RNF130: variants seen among roughly 807,000 people sequenced by gnomAD.
RNF130 encodes the protein E3 ubiquitin-protein ligase RNF130.
Under a neutral mutation model 44.6 loss-of-function variants are expected in RNF130, and 21 were observed. That is an observed-to-expected ratio of 0.47 (90% CI 0.33 to 0.68). The LOEUF is 0.68. Ranked by LOEUF, RNF130 falls within the 30% of genes least tolerant of loss-of-function variation. The probability of loss-of-function intolerance (pLI) is 0.02; values close to 1 mark genes in which losing one functional copy is unlikely to be tolerated. For missense variants in RNF130, 479 were observed against 560.6 expected (o/e 0.85, Z 1.47); for synonymous variants, 214 against 210.4 (o/e 1.02, Z -0.15).
chr5:180,036,373 G>C (rs1764249760), intron 2 of RNF130, among the ~76,000 whole-genome samples: 1 of 152,102 alleles, frequency 6.6e-6, no homozygotes, highest in Non-Finnish European at 1.5e-5. Flanking sequence ...GCCCACCTCT[G>C]TGAAGTCACT....
intron 5 of RNF130, 87 bp downstream of exon 5, chr5:179,978,116 C>T: frequency 2.5e-6 from 3 of 1,190,354 alleles, no homozygotes; most frequent in Non-Finnish European, 3.8e-6. Context: ...GGGTGGCGCT[C>T]AAAAGCAAGG....
exon 8 of RNF130, chr5:179,911,673 A>G (rs759720170): frequency 6.6e-6 from 1 of 152,248 alleles, no homozygotes; most frequent in Non-Finnish European, 1.5e-5. Flanking sequence ...ATAGGTTTTT[A>G]TTGAAATGGT....
At chr5:179,930,114 A>G (rs562210979) in intron 7 of RNF130, among the ~76,000 whole-genome samples, 68 of 152,100 alleles carry the variant, frequency 4.5e-4, no homozygotes, top group African/African-American at 1.4e-3. Flanking sequence ...CTAGAGTGCA[A>G]TGGCGTGATC....
intron 8 of RNF130, among the ~76,000 whole-genome samples, chr5:179,961,364 A>G (rs1762325408): frequency 6.6e-6 from 1 of 152,160 alleles, no homozygotes; most frequent in Non-Finnish European, 1.5e-5. Context: ...AACCCTCTAC[A>G]ACTGCTAATG....
intron 1 of RNF130, among the ~76,000 whole-genome samples, chr5:180,070,889 A>G (rs967923071): frequency 5.3e-5 from 8 of 152,298 alleles, no homozygotes; most frequent in Admixed American, 3.3e-4. Context: ...GATCCTCATA[A>G]TGTGACATTT....
At chr5:179,957,825 C>T in intron 8 of RNF130, among the ~76,000 whole-genome samples, 1 of 152,140 alleles carries the variant, frequency 6.6e-6, no homozygotes, top group African/African-American at 2.4e-5. Flanking sequence ...GGAATTGTTA[C>T]AAGACGGGCT....
chr5:180,044,470 T>C (rs776155636), intron 1 of RNF130, among the ~76,000 whole-genome samples: 2 of 152,194 alleles, frequency 1.3e-5, no homozygotes, highest in Non-Finnish European at 2.9e-5. Context: ...TAGTAACTTA[T>C]GTGCTCAGCT....
intron 2 of RNF130, among the ~76,000 whole-genome samples, chr5:180,027,404 GA>G (rs1764016352): frequency 6.6e-6 from 1 of 152,180 alleles, no homozygotes; most frequent in Admixed American, 6.5e-5. Flanking sequence ...AGCAGAAACA[GA>G]AAGGCAGAGA....
intron 3 of RNF130, among the ~76,000 whole-genome samples, chr5:179,984,518 A>G (rs1247431286): frequency 6.6e-6 from 1 of 152,174 alleles, no homozygotes; most frequent in Non-Finnish European, 1.5e-5. Flanking sequence ...ATACAGTTTT[A>G]GCTTTTTTGG....
intron 3 of RNF130, among the ~76,000 whole-genome samples, chr5:180,003,082 G>A (rs1763382560): frequency 1.3e-5 from 2 of 152,130 alleles, no homozygotes; most frequent in Non-Finnish European, 2.9e-5. Context: ...AGGATGTCCA[G>A]GTAGGGTCTC....
At chr5:180,004,911 C>A (rs1415372882) in intron 3 of RNF130, among the ~76,000 whole-genome samples, 2 of 152,190 alleles carry the variant, frequency 1.3e-5, no homozygotes, top group African/African-American at 4.8e-5. Flanking sequence ...CTCCTTCATT[C>A]ATTCACCACC....
chr5:180,014,108 T>C (rs754500666), intron 2 of RNF130, among the ~76,000 whole-genome samples: 8 of 152,232 alleles, frequency 5.3e-5, no homozygotes, highest in Non-Finnish European at 1.0e-4. Flanking sequence ...CTAACAGTTG[T>C]CCAGAGGTCT....
chr5:180,071,038 C>A (rs1286190564), intron 1 of RNF130, among the ~76,000 whole-genome samples: 1 of 151,344 alleles, frequency 6.6e-6, no homozygotes, highest in African/African-American at 2.4e-5. Flanking sequence ...TAGAAAAGGG[C>A]CGCATCCTTC....
chr5:180,014,587 T>C (rs185619744), intron 2 of RNF130, among the ~76,000 whole-genome samples: 1 of 152,358 alleles, frequency 6.6e-6, no homozygotes, highest in East Asian at 1.9e-4. Flanking sequence ...CTTCAATGAA[T>C]AACACATTGA....
intron 7 of RNF130, among the ~76,000 whole-genome samples, chr5:179,941,011 A>T (rs1467685469): frequency 2.0e-5 from 3 of 151,722 alleles, no homozygotes; most frequent in Non-Finnish European, 4.4e-5. Flanking sequence ...TCTTCCTTTC[A>T]ATTATTTTTC....
At chr5:179,912,087 C>G (rs1435165326) in exon 8 of RNF130, 2 of 152,208 alleles carry the variant, frequency 1.3e-5, no homozygotes, top group African/African-American at 4.8e-5. Context: ...CTCCCCACCC[C>G]CACATTACCT....
chr5:179,987,014 C>T (rs1446741711), intron 3 of RNF130, among the ~76,000 whole-genome samples: 1 of 152,126 alleles, frequency 6.6e-6, no homozygotes, highest in Non-Finnish European at 1.5e-5. Context: ...TATTCTCCAA[C>T]TTTACTGAAT....
chr5:179,937,933 TGAGAGAGAGAGA>T (rs3078901), intron 7 of RNF130, among the ~76,000 whole-genome samples: 19 of 116,294 alleles, frequency 1.6e-4, no homozygotes, highest in South Asian at 5.7e-4. Context: ...TGTGTGTGTG[TGAGAGAGAGAGA>T]GAGAGAGAGA....
At position 180,065,032 on chromosome 5, in the gene RNF130, AAAAAACACGCC is replaced by A. The variant is rs551177282; in HGVS notation, c.247+6413_247+6423del. On this transcript the variant is annotated intron_variant, in intron 1 of 8. Transcript: ENST00000521389. The stretch of plus-strand genomic sequence containing the variant: ...TAGAGTGCCTCTTTTCTTACTAGAG[AAAAAACACGCC>A]TTTTTCAACATTTTCCTAGTATCCT... Among the ~76,000 whole-genome samples the A allele has an allele frequency of 1.1e-3, 171 of 152,264 alleles. 1 individual carries two copies. The highest frequency in any genetic ancestry group is 1.8e-3 in the Non-Finnish European group (124 of 68,014).
Sources: gnomAD v4.1 joint callset for allele counts (sites outside exome capture counted in the v4.1 genomes callset) on GRCh38, gnomAD v4.1.1 for gene constraint, MANE v1.5 for transcripts, NCBI Gene and HGNC (gene_info 2026-07-23, HGNC 2026-07-21) for gene names.